DHRSX: variants seen among roughly 807,000 people sequenced by gnomAD.
DHRSX encodes polyprenol dehydrogenase.
Under a neutral mutation model 34.0 loss-of-function variants are expected in DHRSX, and 31 were observed. The ratio of observed to expected loss-of-function variants is 0.91; its 90% confidence interval spans 0.69 to 1.23. The LOEUF (loss-of-function observed/expected upper bound fraction) is 1.23. Ranked by LOEUF, DHRSX falls within the 50% of genes most tolerant of loss-of-function variation. The pLI, the probability that DHRSX is intolerant of heterozygous loss-of-function variation, is 0.00. For missense variants in DHRSX, 414 were observed against 428.1 expected (o/e 0.97, Z 0.29); for synonymous variants, 201 against 183.8 (o/e 1.09, Z -0.76).
chrX:2,463,846 G>A (rs777316157), intron 1 of DHRSX, among the ~76,000 whole-genome samples: 1 of 152,296 alleles, frequency 6.6e-6, no homozygotes, highest in African/African-American at 2.4e-5. Flanking sequence ...CACAGACACA[G>A]ACACGCAGAA....
intron 4 of DHRSX, among the ~76,000 whole-genome samples, chrX:2,284,336 A>G (rs865964254): frequency 6.7e-6 from 1 of 149,530 alleles, no homozygotes; most frequent in Non-Finnish European, 1.5e-5. Context: ...CTCTGAATTC[A>G]TTCATTCATT....
chrX:2,241,863 C>G (rs1431137110), intron 6 of DHRSX, among the ~76,000 whole-genome samples: 1 of 152,022 alleles, frequency 6.6e-6, no homozygotes, highest in Non-Finnish European at 1.5e-5. Flanking sequence ...GGCAGAGGTC[C>G]CGCCACTGCA....
chrX:2,288,014 T>G (rs2041825009), intron 4 of DHRSX, among the ~76,000 whole-genome samples: 2 of 152,104 alleles, frequency 1.3e-5, no homozygotes, highest in South Asian at 4.1e-4. Context: ...AGATGTGAAT[T>G]AGTGGAAGAT....
intron 3 of DHRSX, among the ~76,000 whole-genome samples, chrX:2,386,656 T>C (rs750073076): frequency 6.6e-6 from 1 of 152,350 alleles, no homozygotes; most frequent in Admixed American, 6.5e-5. Context: ...AAGACAGCCT[T>C]TCATCCTTTG....
intron 1 of DHRSX, among the ~76,000 whole-genome samples, chrX:2,491,512 C>A (rs932120441): frequency 6.6e-6 from 1 of 152,268 alleles, no homozygotes; most frequent in South Asian, 2.1e-4. Context: ...GCAGACCCCC[C>A]ACTGCCAACC....
chrX:2,447,396 T>C (rs2044152550), intron 1 of DHRSX, among the ~76,000 whole-genome samples: 2 of 152,122 alleles, frequency 1.3e-5, no homozygotes, highest in Non-Finnish European at 2.9e-5. Context: ...GTATACACAC[T>C]GAAGATGTTT....
chrX:2,466,909 TACAA>T (rs2044504724), intron 1 of DHRSX, among the ~76,000 whole-genome samples: 1 of 151,710 alleles, frequency 6.6e-6, no homozygotes, highest in Non-Finnish European at 1.5e-5. Flanking sequence ...CTACTAAAAA[TACAA>T]AAGTAGCAGG....
At chrX:2,244,333 C>T (rs2016228848) in intron 5 of DHRSX, among the ~76,000 whole-genome samples, 1 of 151,882 alleles carries the variant, frequency 6.6e-6, no homozygotes, top group African/African-American at 2.4e-5. Context: ...ACCTCAATCA[C>T]CAGAAACACA....
intron 1 of DHRSX, among the ~76,000 whole-genome samples, chrX:2,471,921 A>G (rs111992432): frequency 0.21 from 31,330 of 150,848 alleles, 4,494 homozygotes; most frequent in African/African-American, 0.4. Flanking sequence ...CGTGGAGGGC[A>G]GATTAACTGA....
chrX:2,333,704 C>A (rs760025465), intron 3 of DHRSX, among the ~76,000 whole-genome samples: 4 of 152,096 alleles, frequency 2.6e-5, no homozygotes. Context: ...TGAGCCACTG[C>A]GCCCGGCCAA....
At chrX:2,260,932 G>A (rs188543906) in intron 5 of DHRSX, among the ~76,000 whole-genome samples, 71 of 152,226 alleles carry the variant, frequency 4.7e-4, no homozygotes, top group African/African-American at 1.1e-3. Flanking sequence ...AATGGTGGTC[G>A]GGTGTGGTGG....
chrX:2,335,862 T>C (rs1191972168), intron 3 of DHRSX, among the ~76,000 whole-genome samples: 1 of 152,014 alleles, frequency 6.6e-6, no homozygotes, highest in Non-Finnish European at 1.5e-5. Context: ...TTTCAAACCT[T>C]CTTAAATTAT....
intron 1 of DHRSX, among the ~76,000 whole-genome samples, chrX:2,475,627 C>T (rs1298709321): frequency 6.6e-6 from 1 of 151,784 alleles, no homozygotes; most frequent in Admixed American, 6.6e-5. Flanking sequence ...AAGACGTTCC[C>T]TAAGCATACA....
At chrX:2,231,792 T>A (rs781062341) in intron 6 of DHRSX, among the ~76,000 whole-genome samples, 1 of 141,654 alleles carries the variant, frequency 7.1e-6, no homozygotes, top group Non-Finnish European at 1.5e-5. Flanking sequence ...CTCCTGTTTT[T>A]CTCTCTATCC....
intron 3 of DHRSX, among the ~76,000 whole-genome samples, chrX:2,330,251 G>C (rs1050284605): frequency 1.3e-5 from 2 of 151,294 alleles, no homozygotes; most frequent in African/African-American, 4.9e-5. Context: ...GGCCAGGTGC[G>C]GTGTCTCATG....
chrX:2,266,240 C>T (rs1482999372), intron 5 of DHRSX, among the ~76,000 whole-genome samples: 61 of 77,732 alleles, frequency 7.8e-4, no homozygotes, highest in Middle Eastern at 0.013. Context: ...GCACCGGTGT[C>T]CAGCAGACGC....
rs561794300 is a variant in DHRSX, at chrX:2,304,389, G to A, written c.287-12786C>T. 9.3e-4 allele frequency among the ~76,000 whole-genome samples: 140 copies of A among 149,882 alleles called. 1 individual carries two copies. Among genetic ancestry groups the A allele is most frequent in the African/African-American group, 3.3e-3 (134 of 40,382 alleles). On this transcript the variant is annotated intron_variant, in intron 3 of 6. Transcript: ENST00000334651. Reference sequence around the variant, plus strand: ...GATGGATGGATGAATTGATAGATGGGTAGTGATATGGTTTGGATCTGTGTC... The same window carrying A: ...GATGGATGGATGAATTGATAGATGGATAGTGATATGGTTTGGATCTGTGTC...
chrX:2,490,321 G>A (rs767728912), intron 1 of DHRSX: 6 of 1,613,390 alleles, frequency 3.7e-6, no homozygotes, highest in Admixed American at 3.3e-5. Flanking sequence ...CCTCGCAGAT[G>A]AGGCCCAGCA....
chrX:2,226,616 C>G (rs1383014153), intron 6 of DHRSX, among the ~76,000 whole-genome samples: 5 of 152,000 alleles, frequency 3.3e-5, no homozygotes, highest in Non-Finnish European at 7.4e-5. Flanking sequence ...CTGGCTAACA[C>G]AGTGAAACCC....
Sources: allele counts gnomAD v4.1 joint callset (sites outside exome capture counted in the v4.1 genomes callset), GRCh38; gene constraint gnomAD v4.1.1; transcripts MANE v1.5; gene names NCBI Gene and HGNC (gene_info 2026-07-23, HGNC 2026-07-21).